The following SERPINB13 variants were observed in gnomAD, a reference collection of about 807,000 sequenced individuals.
SERPINB13 encodes serpin B13.
In SERPINB13, 26 loss-of-function variants were observed where a neutral mutation model predicts 31.2. The observed-to-expected ratio is 0.83, with a 90% confidence interval of 0.61 to 1.15. SERPINB13 has a LOEUF of 1.15. SERPINB13 is among the 50% of genes most tolerant of loss of function. The probability of loss-of-function intolerance (pLI) is 0.00; values close to 1 mark genes in which losing one functional copy is unlikely to be tolerated. For synonymous variants in SERPINB13, 191 were observed against 172.4 expected, an observed-to-expected ratio of 1.11 and a Z score of -0.85; for missense variants, 510 against 469.4, an observed-to-expected ratio of 1.09 and a Z score of -0.80.
chr18:63,589,557 A>T (rs1911726174), intron 2 of SERPINB13, 99 bp from the exon 3 acceptor site: 8 of 1,451,816 alleles, frequency 5.5e-6, no homozygotes, highest in Non-Finnish European at 7.4e-6. Flanking sequence ...CTCATATACC[A>T]CCGAGGTTTC....
chr18:63,592,361 A>G lies in SERPINB13; in HGVS notation c.239A>G (p.Glu80Gly), dbSNP rs745473601. The G allele has an allele frequency of 6.2e-7, 1 of 1,611,162 alleles. No homozygotes were observed. Among genetic ancestry groups the G allele is most frequent in the Non-Finnish European group, 8.5e-7 (1 of 1,178,814 alleles). ...AEEKEVIENT[E>G]AVHQQFQKFL... ...TTAATTTTCAAGATTGAGAACACAG[A>G]AGCAGTACATCAACAATTCCAAAAG... The change falls in exon 4 of 8, where the codon GAA becomes GGA. Residue 80 changes from glutamate (E) to glycine (G), a missense_variant. Coordinates refer to ENST00000344731, the MANE Select transcript of SERPINB13 (RefSeq NM_012397.4).
At chr18:63,594,919 A>T in intron 6 of SERPINB13, 110 bp from the exon 7 acceptor site, 1 of 995,492 alleles carries the variant, frequency 1.0e-6, no homozygotes, top group Non-Finnish European at 1.5e-6. Context: ...AGACTCTGAT[A>T]TTGGGTTTTA....
rs780692919 is a variant in SERPINB13, at chr18:63,592,443, G to A, written c.321G>A (p.Arg107=). The change falls in exon 4 of 8, where the codon AGG becomes AGA. Residue 107 remains arginine, a synonymous_variant. Coordinates refer to ENST00000344731, the MANE Select transcript of SERPINB13 (RefSeq NM_012397.4). ...ATTATGAACTGAACATAACCAACAG[G>A]CTGTTTGGAGAAAAAACATACCTCT... The part of the protein sequence containing the change: ...TNDYELNITN[R]LFGEKTYLFL... 1.1e-5 allele frequency: 18 copies of A among 1,613,144 alleles called. No individual in the cohort carries two copies. The highest frequency in any genetic ancestry group is 9.4e-5 in the African/African-American group (7 of 74,834).
In SERPINB13 at chr18:63,592,835, T is replaced by G. The variant is rs767348674; in HGVS notation, c.355-19T>G. 1 of 1,472,582 alleles carries G rather than the reference T, an allele frequency of 6.8e-7. No individual in the cohort carries two copies. The highest frequency in any genetic ancestry group is 9.4e-7 in the Non-Finnish European group (1 of 1,068,100). The allele number at this position is 1,472,582 out of a possible 1,614,324, so 91.2% of individuals were successfully genotyped here. On this transcript the variant is annotated intron_variant, in intron 4 of 7. Coordinates refer to ENST00000344731, the MANE Select transcript of SERPINB13 (RefSeq NM_012397.4). ...TGAGTTTTTAACCTCTTTTTATTCC[T>G]TCCTTGTTTCTCCTAAAGAAATACT... is the stretch of plus-strand genomic sequence containing the variant.
intron 7 of SERPINB13, among the ~76,000 whole-genome samples, chr18:63,596,360 C>G (rs1050121365): frequency 9.9e-5 from 15 of 152,164 alleles, no homozygotes; most frequent in African/African-American, 3.6e-4. Context: ...AAAAAGTTGC[C>G]TTTCTGAGTA....
intron 2 of SERPINB13, 38 bp from the exon 3 acceptor site, chr18:63,589,618 T>C (rs1482728928): frequency 6.2e-7 from 1 of 1,605,434 alleles, no homozygotes; most frequent in Non-Finnish European, 8.5e-7. Flanking sequence ...GGTTTTCTCT[T>C]CTCTGAGCAC....
chr18:63,593,858 T>C (rs1024172737), intron 5 of SERPINB13, among the ~76,000 whole-genome samples: 1 of 152,252 alleles, frequency 6.6e-6, no homozygotes, highest in Admixed American at 6.5e-5. Flanking sequence ...TTCTCCAATA[T>C]AATAAGTAAT....
rs534246315 is a variant in SERPINB13, at chr18:63,597,130, G to A, written c.943G>A (p.Asp315Asn). 5.0e-6 allele frequency: 8 copies of A among 1,614,194 alleles called. No homozygotes were observed. The East Asian group carries it at 6.7e-5, about 13-fold the overall frequency. The change falls in exon 8 of 8, where the codon GAC (aspartate) becomes AAC (asparagine). Residue 315 changes from aspartate to asparagine, a missense_variant. Transcript: ENST00000344731. ...MGDAFSEHKADYSGMSSGSGL... is the reference protein window; with the variant it reads ...MGDAFSEHKANYSGMSSGSGL... ...CGATGCCTTCAGTGAGCACAAAGCC[G>A]ACTACTCGGGAATGTCGTCAGGCTC...
chr18:63,597,500 A>G lies in SERPINB13; in HGVS notation c.*137A>G. 4 of 871,144 alleles carry G rather than the reference A, an allele frequency of 4.6e-6. No homozygotes were observed. The highest frequency in any genetic ancestry group is 1.7e-5 in the South Asian group (1 of 58,480). 54.0% of individuals were successfully genotyped at this position (871,144 alleles called of 1,614,324 possible). Reference sequence around the variant, plus strand: ...GTCTTGGCCATCAAATCAATGATTTAATGACTCCAATAATGTGTGTGTTTA... The same window carrying G: ...GTCTTGGCCATCAAATCAATGATTTGATGACTCCAATAATGTGTGTGTTTA... On this transcript the variant is annotated 3_prime_UTR_variant, in exon 8 of 8. Transcript: ENST00000344731.
chr18:63,597,069 C>T lies in SERPINB13; in HGVS notation c.882C>T (p.Tyr294=). Residue 294 remains tyrosine (Y), a synonymous_variant, in exon 8 of 8, where the codon TAC becomes TAT. Coordinates refer to ENST00000344731, the MANE Select transcript of SERPINB13 (RefSeq NM_012397.4). ...HLPRFEVEDG[Y]DLEAVLAAMG... ...CCCGGTTTGAGGTGGAGGACGGTTA[C>T]GATCTAGAGGCGGTCCTGGCTGCCA... 2 of 1,614,184 alleles carry T rather than the reference C, an allele frequency of 1.2e-6. No individual in the cohort carries two copies. Among genetic ancestry groups the T allele is most frequent in the South Asian group, 1.1e-5 (1 of 91,086 alleles).
Position 63,597,290 on chromosome 18 carries a change from A to T in SERPINB13, c.1103A>T (p.His368Leu), listed in dbSNP as rs1912240630. 24 of 1,614,150 alleles carry T rather than the reference A, an allele frequency of 1.5e-5. No homozygotes were observed. The highest frequency in any genetic ancestry group is 2.0e-5 in the Non-Finnish European group (24 of 1,180,036). ...APGHENVHCN[H>L]PFLFFIRHNE... Reference sequence around the variant, plus strand: ...GGTCATGAAAATGTTCACTGCAATCATCCCTTCCTGTTCTTCATCAGGCAC... The same window carrying T: ...GGTCATGAAAATGTTCACTGCAATCTTCCCTTCCTGTTCTTCATCAGGCAC... Residue 368 changes from histidine to leucine, a missense_variant, in exon 8 of 8, where the codon CAT (histidine) becomes CTT (leucine). His to Leu is a moderately conservative substitution (Grantham distance 99). Coordinates refer to ENST00000344731, the MANE Select transcript of SERPINB13 (RefSeq NM_012397.4).
Position 63,597,156 on chromosome 18 carries a change from C to CG in SERPINB13, c.972dup (p.Leu325ValfsTer16). ...ACTACTCGGGAATGTCGTCAGGCTC[C>CG]GGGTTGTACGCCCAGAAGTTCCTGC... On this transcript the variant is annotated frameshift_variant, in exon 8 of 8. Coordinates refer to ENST00000344731, the MANE Select transcript of SERPINB13 (RefSeq NM_012397.4). LOFTEE classifies it low-confidence loss of function (END_TRUNC). 6.2e-7 allele frequency: 1 copy of CG among 1,614,176 alleles called. No individual in the cohort carries two copies. The highest frequency in any genetic ancestry group is 8.5e-7 in the Non-Finnish European group (1 of 1,180,018).
chr18:63,594,266 T>A (rs779404417), intron 5 of SERPINB13, 89 bp from the exon 6 acceptor site: 11 of 1,581,290 alleles, frequency 7.0e-6, no homozygotes, highest in Non-Finnish European at 9.5e-6. Flanking sequence ...TTTTTAATGA[T>A]CAGTCAAGTC....
rs564250834 is a variant in SERPINB13 at position 63,596,842 on chromosome 18, A to G, written c.772-117A>G. ...AAAGACAACAATCTAGTGAAATAAAATTTCTACTTTTAATATTACTAAAAT... is the reference window on the plus strand; with the variant it reads ...AAAGACAACAATCTAGTGAAATAAAGTTTCTACTTTTAATATTACTAAAAT... On this transcript the variant is annotated intron_variant, in intron 7 of 7. Coordinates refer to ENST00000344731, the MANE Select transcript of SERPINB13 (RefSeq NM_012397.4). 6 of 814,384 alleles carry G rather than the reference A, an allele frequency of 7.4e-6. No individual in the cohort carries two copies. The Admixed American group carries it at 1.7e-4, about 23-fold the overall frequency. The allele number at this position is 814,384 out of a possible 1,614,324, so 50.4% of individuals were successfully genotyped here.
chr18:63,594,989 T>C (rs199953247), intron 6 of SERPINB13, 40 bp from the exon 7 acceptor site: 44 of 1,567,190 alleles, frequency 2.8e-5, no homozygotes, highest in African/African-American at 1.5e-4. Flanking sequence ...CCTTTGGTCT[T>C]ATGTCCTTTG....
intron 7 of SERPINB13, among the ~76,000 whole-genome samples, chr18:63,596,555 CTGTT>C (rs1175765861): frequency 6.6e-6 from 1 of 152,058 alleles, no homozygotes; most frequent in Admixed American, 6.5e-5. Context: ...TATTATCTAG[CTGTT>C]TGAAGATAGG....
chr18:63,597,088 G>A lies in SERPINB13; in HGVS notation c.901G>A (p.Ala301Thr), dbSNP rs150000135. The change falls in exon 8 of 8, where the codon GCT (alanine) becomes ACT (threonine). Residue 301 changes from alanine (A) to threonine (T), a missense_variant. Coordinates refer to ENST00000344731, the MANE Select transcript of SERPINB13 (RefSeq NM_012397.4). ...CGGTTACGATCTAGAGGCGGTCCTG[G>A]CTGCCATGGGGATGGGCGATGCCTT... is the stretch of plus-strand genomic sequence containing the variant. The part of the protein sequence containing the change: ...EDGYDLEAVL[A>T]AMGMGDAFSE... The A allele has an allele frequency of 3.3e-5, 54 of 1,614,088 alleles. No homozygotes were observed. The highest frequency in any genetic ancestry group is 4.0e-5 in the African/African-American group (3 of 74,938).
intron 7 of SERPINB13, 25 bp downstream of exon 7, chr18:63,595,209 T>G (rs751026195): frequency 1.3e-6 from 2 of 1,585,796 alleles, no homozygotes; most frequent in Non-Finnish European, 1.7e-6. Context: ...CTCCTTATTC[T>G]TTCTTTCATT....
chr18:63,597,270 T>C lies in SERPINB13; in HGVS notation c.1083T>C (p.His361=). The change falls in exon 8 of 8, where the codon CAT becomes CAC. Residue 361 remains histidine (H), a synonymous_variant. Coordinates refer to ENST00000344731, the MANE Select transcript of SERPINB13 (RefSeq NM_012397.4). ...IGFTVTSAPG[H]ENVHCNHPFL... Reference sequence around the variant, plus strand: ...TTACTGTCACATCCGCCCCAGGTCATGAAAATGTTCACTGCAATCATCCCT... The same window carrying C: ...TTACTGTCACATCCGCCCCAGGTCACGAAAATGTTCACTGCAATCATCCCT... 1 of 1,614,244 alleles carries C rather than the reference T, an allele frequency of 6.2e-7. No individual in the cohort carries two copies.
Sources: gnomAD v4.1 joint callset for allele counts (sites outside exome capture counted in the v4.1 genomes callset) on GRCh38, gnomAD v4.1.1 for gene constraint, MANE v1.5 for transcripts, NCBI Gene and HGNC (gene_info 2026-07-23, HGNC 2026-07-21) for gene names.